Variants in NCOA2 observed in about 807,000 individuals in gnomAD.
NCOA2 encodes class E basic helix-loop-helix protein 75.
A neutral mutation model predicts 145.1 loss-of-function variants in NCOA2; 21 were observed. That is an observed-to-expected ratio of 0.14 (90% CI 0.10 to 0.21). The LOEUF is 0.21. NCOA2 is among the 10% of genes least tolerant of loss of function. The pLI, the probability that NCOA2 is intolerant of heterozygous loss-of-function variation, is 1.00. For missense variants in NCOA2, 1,472 were observed against 1,837.6 expected (o/e 0.80, Z 3.64); for synonymous variants, 619 against 637.5 (o/e 0.97, Z 0.44).
At chr8:70,189,879 G>T (rs924533741) in intron 4 of NCOA2, among the ~76,000 whole-genome samples, 11 of 152,150 alleles carry the variant, frequency 7.2e-5, no homozygotes, top group Non-Finnish European at 1.6e-4. Context: ...TTAGCTAGAA[G>T]ACTCCACTTG....
In NCOA2 at chr8:70,390,770, AAAC is replaced by A. The variant is rs558102227; in HGVS notation, c.-77+12927_-77+12929del. Among the ~76,000 whole-genome samples, 303 of 152,236 alleles carry A rather than the reference AAAC, an allele frequency of 2.0e-3. 1 individual carries two copies. The highest frequency in any genetic ancestry group is 6.8e-3 in the African/African-American group (282 of 41,504). ...GCTACAGAGCAAGACCCTGTCTCTA[AAAC>A]AACAATAATAAATAAATACATACAT... On this transcript the variant is annotated intron_variant, in intron 1 of 22. Coordinates refer to ENST00000452400, the MANE Select transcript of NCOA2 (RefSeq NM_006540.4).
At chr8:70,440,153 C>T in the NCOA2 span, among the ~76,000 whole-genome samples, 2 of 152,166 alleles carry the variant, frequency 1.3e-5, no homozygotes, top group African/African-American at 4.8e-5. Context: ...GGCATGGTGG[C>T]GCACACCTGT....
At position 70,196,707 on chromosome 8, in the gene NCOA2, C is replaced by T. The variant is rs558110002; in HGVS notation, c.259+17196G>A. 6.6e-5 allele frequency among the ~76,000 whole-genome samples: 10 copies of T among 152,296 alleles called. No homozygotes were observed. In the South Asian group the frequency reaches 1.0e-3, roughly 16 times the overall value. On this transcript the variant is annotated intron_variant, in intron 4 of 22. Transcript: ENST00000452400. ...TCTAAAGACACAGCAATAACTATTA[C>T]AAATCTTTATTTTTATTTTGAATGT...
chr8:70,455,146 A>G, the NCOA2 span, among the ~76,000 whole-genome samples: 1 of 151,602 alleles, frequency 6.6e-6, no homozygotes, highest in Non-Finnish European at 1.5e-5. Context: ...ACTTGAGCAA[A>G]TAAATACTTT....
chr8:70,312,058 T>A (rs1805168846), intron 1 of NCOA2, among the ~76,000 whole-genome samples: 1 of 152,068 alleles, frequency 6.6e-6, no homozygotes, highest in African/African-American at 2.4e-5. Flanking sequence ...GGAGGCTGAG[T>A]GAGGTGACAT....
rs1809252841 is a variant in NCOA2 at position 70,351,729 on chromosome 8, G to A, written c.-77+51971C>T. On this transcript the variant is annotated intron_variant, in intron 1 of 22. Coordinates refer to ENST00000452400, the MANE Select transcript of NCOA2 (RefSeq NM_006540.4). ...GCCTCCAGAGTAGCTAGGACTATAG[G>A]CACACACCACCACCCCGGCTAATTT... 2.7e-5 allele frequency among the ~76,000 whole-genome samples: 4 copies of A among 148,854 alleles called. No individual in the cohort carries two copies. The South Asian group carries it at 8.5e-4, about 32-fold the overall frequency.
In NCOA2 at chr8:70,157,139, C is replaced by A; in HGVS notation, c.1226G>T (p.Cys409Phe). 2 of 1,613,444 alleles carry A rather than the reference C, an allele frequency of 1.2e-6. No homozygotes were observed. The highest frequency in any genetic ancestry group is 4.5e-5 in the East Asian group (2 of 44,854). ...CATGTCCTGACCTGGGTTCCCACTG[C>A]ACAGGGCCTGATGGGCAGGGCTGTT... ...SSNSPAHQAL[C>F]SGNPGQDMTL... The change falls in exon 11 of 23, where the codon TGC becomes TTC. Residue 409 changes from cysteine to phenylalanine, a missense_variant. By Grantham distance (205) the Cys-to-Phe change is radical. Coordinates refer to ENST00000452400, the MANE Select transcript of NCOA2 (RefSeq NM_006540.4).
chr8:70,198,876 A>T (rs1817609478), intron 4 of NCOA2, among the ~76,000 whole-genome samples: 1 of 152,128 alleles, frequency 6.6e-6, no homozygotes, highest in African/African-American at 2.4e-5. Flanking sequence ...GTATCAATTT[A>T]AGGCACCTGT....
chr8:70,320,628 A>C (rs1286310586), intron 1 of NCOA2, among the ~76,000 whole-genome samples: 1 of 152,190 alleles, frequency 6.6e-6, no homozygotes, highest in Non-Finnish European at 1.5e-5. Flanking sequence ...GAAATTTTAC[A>C]TGCAATCAAA....
At chr8:70,425,695 A>G in the NCOA2 span, among the ~76,000 whole-genome samples, 1 of 152,194 alleles carries the variant, frequency 6.6e-6, no homozygotes, top group South Asian at 2.1e-4. Context: ...TTGCTTGCAC[A>G]CTAAGTCTAG....
chr8:70,129,103 T>A, intron 16 of NCOA2, 123 bp from the exon 17 acceptor site: 2 of 951,898 alleles, frequency 2.1e-6, no homozygotes, highest in Non-Finnish European at 3.1e-6. Context: ...ATATTATACT[T>A]ACTACACAAA....
At chr8:70,394,658 G>C (rs1233605482) in intron 1 of NCOA2, among the ~76,000 whole-genome samples, 1 of 152,124 alleles carries the variant, frequency 6.6e-6, no homozygotes, top group African/African-American at 2.4e-5. Context: ...TTTGACTACA[G>C]TTTTCACCAA....
intron 14 of NCOA2, among the ~76,000 whole-genome samples, chr8:70,140,377 A>C (rs1810260611): frequency 6.6e-6 from 1 of 152,156 alleles, no homozygotes; most frequent in Admixed American, 6.5e-5. Flanking sequence ...ATGATGTATC[A>C]GACCATCAAT....
intron 1 of NCOA2, among the ~76,000 whole-genome samples, chr8:70,317,788 A>G (rs914706212): frequency 6.6e-6 from 1 of 152,272 alleles, no homozygotes; most frequent in Middle Eastern, 3.4e-3. Flanking sequence ...AGGCCAGCAC[A>G]GTGGCTCATA....
chr8:70,260,981 G>C (rs1824064993), intron 2 of NCOA2, among the ~76,000 whole-genome samples: 1 of 152,188 alleles, frequency 6.6e-6, no homozygotes, highest in African/African-American at 2.4e-5. Context: ...TGGAGAAATA[G>C]GAACACTTTC....
intron 1 of NCOA2, among the ~76,000 whole-genome samples, chr8:70,380,249 C>T (rs1486568636): frequency 6.6e-6 from 1 of 152,142 alleles, no homozygotes; most frequent in Non-Finnish European, 1.5e-5. Flanking sequence ...GCATGAATTA[C>T]TTTCCATTTA....
At chr8:70,336,001 T>TA (rs1807553160) in intron 1 of NCOA2, among the ~76,000 whole-genome samples, 1 of 152,212 alleles carries the variant, frequency 6.6e-6, no homozygotes, top group African/African-American at 2.4e-5. Context: ...AGAAGATTTT[T>TA]AAAAAATTAT....
chr8:70,188,563 T>C (rs1816329700), intron 4 of NCOA2, among the ~76,000 whole-genome samples: 2 of 152,202 alleles, frequency 1.3e-5, no homozygotes, highest in South Asian at 4.1e-4. Context: ...GCATTTATAA[T>C]GACAAGCAGT....
At chr8:70,446,063 G>T in the NCOA2 span, among the ~76,000 whole-genome samples, 30,235 of 151,430 alleles carry the variant, frequency 0.2, 3,719 homozygotes, top group East Asian at 0.35. Context: ...CAGCTTTCTG[G>T]ATTACAAGAC....
Sources: gnomAD v4.1 joint callset for allele counts (sites outside exome capture counted in the v4.1 genomes callset) on GRCh38, gnomAD v4.1.1 for gene constraint, MANE v1.5 for transcripts, NCBI Gene and HGNC (gene_info 2026-07-23, HGNC 2026-07-21) for gene names.